DNAJC27: variants seen among roughly 807,000 people sequenced by gnomAD.
DNAJC27 encodes dnaJ homolog subfamily C member 27.
In DNAJC27, 25 loss-of-function variants were observed where a neutral mutation model predicts 31.4. The observed-to-expected ratio is 0.80, with a 90% CI of 0.58 to 1.11. DNAJC27 has a LOEUF of 1.11. DNAJC27 is among the 50% of genes most tolerant of loss of function. The pLI is 0.00. For synonymous variants in DNAJC27, 106 were observed against 112.7 expected (o/e 0.94, Z 0.37); for missense variants, 356 against 347.3 (o/e 1.02, Z -0.20).
rs2149118948 is a variant in DNAJC27 at position 24,946,828 on chromosome 2, T to C, written c.*788A>G. The stretch of plus-strand genomic sequence containing the variant: ...GCTGGCTCCTCCAAGTACTTCTGTC[T>C]TGGGGCCTGATTCCTCATTCCCAGG... On this transcript the variant is annotated 3_prime_UTR_variant, in exon 7 of 7. Coordinates refer to ENST00000264711, the MANE Select transcript of DNAJC27 (RefSeq NM_016544.3). The C allele has an allele frequency of 6.6e-6, 1 of 152,378 alleles. No homozygotes were observed. Among genetic ancestry groups the C allele is most frequent in the East Asian group, 1.9e-4 (1 of 5,178 alleles). 9.4% of individuals were successfully genotyped at this position (152,378 alleles called of 1,614,324 possible).
chr2:24,960,724 AC>A (rs1666020548), intron 3 of DNAJC27, among the ~76,000 whole-genome samples: 1 of 152,220 alleles, frequency 6.6e-6, no homozygotes, highest in Admixed American at 6.5e-5. Flanking sequence ...TTAAGCCAAA[AC>A]CTAATGCACA....
At position 24,967,278 on chromosome 2, in the gene DNAJC27, G is replaced by A. The variant is rs147784881; in HGVS notation, c.103C>T (p.Arg35Ter). The A allele has an allele frequency of 5.0e-6, 8 of 1,612,618 alleles. No individual in the cohort carries two copies. In the South Asian group the frequency reaches 5.5e-5, roughly 11 times the overall value. ...AEVGKSCIIK[R>*]YCEKRFVSKY... ...GACACGAATCTTTTCTCACAGTATC[G>A]CTTTATAATACAGCTCTAAAAAGGT... The change falls in exon 2 of 7, where the codon CGA becomes TGA. Residue 35 changes from arginine to a stop codon, truncating the protein, a stop_gained. Transcript: ENST00000264711. LOFTEE classifies it high-confidence loss of function.
rs1433611316 is a variant in DNAJC27, at chr2:24,967,261, T to C, written c.120A>G (p.Arg40=). Residue 40 remains arginine, a synonymous_variant, in exon 2 of 7, where the codon AGA becomes AGG. Coordinates refer to ENST00000264711, the MANE Select transcript of DNAJC27 (RefSeq NM_016544.3). The part of the protein sequence containing the change: ...SCIIKRYCEK[R]FVSKYLATIG... ...TTGTTGCCAGGTATTTAGACACGAA[T>C]CTTTTCTCACAGTATCGCTTTATAA... 8.7e-6 allele frequency: 14 copies of C among 1,613,212 alleles called. No individual in the cohort carries two copies. In the East Asian group the frequency reaches 8.9e-5, roughly 10 times the overall value.
chr2:24,970,846 G>A (rs1355233970), intron 1 of DNAJC27, among the ~76,000 whole-genome samples: 1 of 151,950 alleles, frequency 6.6e-6, no homozygotes, highest in African/African-American at 2.4e-5. Context: ...ACACACAAAA[G>A]TAGTACGGGA....
chr2:24,949,776 G>A (rs1573107058), intron 6 of DNAJC27, among the ~76,000 whole-genome samples: 1 of 152,220 alleles, frequency 6.6e-6, no homozygotes, highest in Non-Finnish European at 1.5e-5. Context: ...ATTGTTCTAA[G>A]TCTACTAACA....
intron 3 of DNAJC27, among the ~76,000 whole-genome samples, chr2:24,960,177 C>A (rs1283545863): frequency 6.6e-6 from 1 of 152,202 alleles, no homozygotes; most frequent in Non-Finnish European, 1.5e-5. Flanking sequence ...TATAATACTT[C>A]AAACTTTTCA....
chr2:24,970,321 T>C (rs945897235), intron 1 of DNAJC27, among the ~76,000 whole-genome samples: 1 of 152,214 alleles, frequency 6.6e-6, no homozygotes, highest in African/African-American at 2.4e-5. Flanking sequence ...TTTTACCTTC[T>C]CTTTTCTAAT....
At chr2:24,970,496 A>T (rs1269118818) in intron 1 of DNAJC27, among the ~76,000 whole-genome samples, 24 of 126,794 alleles carry the variant, frequency 1.9e-4, no homozygotes, top group African/African-American at 7.4e-4. Context: ...ACGGCGTCTC[A>T]CTCTGCCGCC....
intron 5 of DNAJC27, among the ~76,000 whole-genome samples, chr2:24,956,205 T>C (rs543234190): frequency 6.6e-6 from 1 of 152,368 alleles, no homozygotes; most frequent in South Asian, 2.1e-4. Context: ...AACAACTCTT[T>C]ATAGTGTAAC....
In DNAJC27 at chr2:24,971,921, G is replaced by T. The variant is rs755073750; in HGVS notation, c.-17C>A. 4.9e-5 allele frequency: 77 copies of T among 1,561,650 alleles called. No individual in the cohort carries two copies. Among genetic ancestry groups the T allele is most frequent in the Non-Finnish European group, 6.4e-5 (74 of 1,157,594 alleles). The stretch of plus-strand genomic sequence containing the variant: ...GGCCTCCATGGCCCTGGCTCTCTCG[G>T]GGCCACCCGCCTCGGTCTCTTCTTG... On this transcript the variant is annotated 5_prime_UTR_variant, in exon 1 of 7. Transcript: ENST00000264711.
chr2:24,968,736 T>A (rs1218675178), intron 1 of DNAJC27, among the ~76,000 whole-genome samples: 1 of 152,188 alleles, frequency 6.6e-6, no homozygotes, highest in Non-Finnish European at 1.5e-5. Flanking sequence ...ATGGTCTCTA[T>A]TTTCCCATAA....
chr2:24,955,058 A>G (rs1339325991), intron 5 of DNAJC27, among the ~76,000 whole-genome samples: 1 of 152,244 alleles, frequency 6.6e-6, no homozygotes, highest in Non-Finnish European at 1.5e-5. Flanking sequence ...AGAAACATGT[A>G]AATGTGATCC....
At chr2:24,956,520 C>A (rs988290682) in intron 5 of DNAJC27, among the ~76,000 whole-genome samples, 1 of 152,126 alleles carries the variant, frequency 6.6e-6, no homozygotes, top group Non-Finnish European at 1.5e-5. Flanking sequence ...TCTAACTGCA[C>A]CCCTGTGGGC....
rs762109178 is a variant in DNAJC27 at position 24,951,669 on chromosome 2, AT to A, written c.529-116del. ...TTCCAGCAACTCTTAGAAGTCATGT[AT>A]AAAGCAAATACACACTTTGGAAGAT... On this transcript the variant is annotated intron_variant, in intron 5 of 6. Transcript: ENST00000264711. 7.7e-4 allele frequency: 558 copies of A among 724,092 alleles called. 3 individuals are homozygous for A. Among genetic ancestry groups the A allele is most frequent in the South Asian group, 3.2e-3 (93 of 28,622 alleles). The allele number at this position is 724,092 out of a possible 1,614,324, so 44.9% of individuals were successfully genotyped here. A position where few individuals can be genotyped will look rare whatever the true frequency, so the allele number is the denominator to read the frequency against.
Position 24,944,349 on chromosome 2 carries a change from C to T in DNAJC27, c.*3267G>A, listed in dbSNP as rs1282993018. 6.6e-6 allele frequency: 1 copy of T among 151,374 alleles called. No homozygotes were observed. Among genetic ancestry groups the T allele is most frequent in the African/African-American group, 2.4e-5 (1 of 41,124 alleles). The allele number at this position is 151,374 out of a possible 1,614,324, so 9.4% of individuals were successfully genotyped here. ...GTTGTCATTGTTCAATGGGGCACAGCTCCTTTTTTTTTTTTTTCTTTTTTT... is the reference window on the plus strand; with the variant it reads ...GTTGTCATTGTTCAATGGGGCACAGTTCCTTTTTTTTTTTTTTCTTTTTTT... On this transcript the variant is annotated 3_prime_UTR_variant, in exon 7 of 7. Coordinates refer to ENST00000264711, the MANE Select transcript of DNAJC27 (RefSeq NM_016544.3).
chr2:24,960,512 T>G (rs181871875), intron 3 of DNAJC27, among the ~76,000 whole-genome samples: 1 of 152,346 alleles, frequency 6.6e-6, no homozygotes, highest in African/African-American at 2.4e-5. Flanking sequence ...AGGAAGGCAT[T>G]TCAAAAACAG....
intron 2 of DNAJC27, among the ~76,000 whole-genome samples, chr2:24,966,670 G>C (rs1666190416): frequency 6.6e-6 from 1 of 152,048 alleles, no homozygotes; most frequent in Admixed American, 6.5e-5. Context: ...TGTTGGTCAG[G>C]CTGGTCTTGA....
intron 1 of DNAJC27, chr2:24,969,084 T>C (rs1573120254): frequency 1.1e-5 from 2 of 174,548 alleles, no homozygotes; most frequent in East Asian, 2.9e-4. Context: ...CAAGATGCTT[T>C]TGAACAATAA....
chr2:24,961,536 G>C, intron 3 of DNAJC27, among the ~76,000 whole-genome samples: 1 of 151,854 alleles, frequency 6.6e-6, no homozygotes, highest in African/African-American at 2.4e-5. Flanking sequence ...TGAAAACCTT[G>C]TAGAAAGCAT....
Sources: gnomAD v4.1 joint callset for allele counts (sites outside exome capture counted in the v4.1 genomes callset) on GRCh38, gnomAD v4.1.1 for gene constraint, MANE v1.5 for transcripts, NCBI Gene and HGNC (gene_info 2026-07-23, HGNC 2026-07-21) for gene names.